CDH9: variants seen among roughly 807,000 people sequenced by gnomAD.
The protein encoded by CDH9 is cadherin-9.
A neutral mutation model predicts 70.9 loss-of-function variants in CDH9; 28 were observed. The observed-to-expected ratio is 0.40, with a 90% CI of 0.29 to 0.54. CDH9 has a LOEUF of 0.54. Among genes scored for constraint, CDH9 ranks in the 20% least tolerant of loss-of-function variants. CDH9 has a pLI of 0.59. For missense variants in CDH9, 874 were observed against 984.4 expected (o/e 0.89, Z 1.50); for synonymous variants, 409 against 343.1 (o/e 1.19, Z -2.12).
intron 2 of CDH9, among the ~76,000 whole-genome samples, chr5:26,929,634 T>C (rs573597984): frequency 6.6e-6 from 1 of 152,200 alleles, no homozygotes; most frequent in East Asian, 1.9e-4. Context: ...ATGAGGTACA[T>C]GTACACAATG....
Position 26,988,219 on chromosome 5 carries a change from C to A in CDH9, c.115G>T (p.Gly39Cys). 6.2e-7 allele frequency: 1 copy of A among 1,613,460 alleles called. No homozygotes were observed. Among genetic ancestry groups the A allele is most frequent in the Non-Finnish European group, 8.5e-7 (1 of 1,179,620 alleles). The change falls in exon 2 of 12, where the codon GGT becomes TGT. Residue 39 changes from glycine to cysteine, a missense_variant. Coordinates refer to ENST00000231021, the MANE Select transcript of CDH9 (RefSeq NM_016279.4). Reference protein sequence around the residue: ...NSYLSSKKIAGLTKDDGKMLR... With the variant: ...NSYLSSKKIACLTKDDGKMLR... Reference sequence around the variant, plus strand: ...ATTTTACCGTCATCTTTTGTCAGACCCGCTATCTTTTTGCTTGATAAATAA... The same window carrying A: ...ATTTTACCGTCATCTTTTGTCAGACACGCTATCTTTTTGCTTGATAAATAA...
rs571488732 is a variant in CDH9, at chr5:27,015,192, C to A, written c.-50+23271G>T. Among the ~76,000 whole-genome samples, 7 of 151,834 alleles carry A rather than the reference C, an allele frequency of 4.6e-5. No homozygotes were observed. In the East Asian group the frequency reaches 1.4e-3, roughly 30 times the overall value. ...TTAATAGAGGCCTGACTGCAATATTCCTGTTACAAAATCACGGAATTCTAC... is the reference window on the plus strand; with the variant it reads ...TTAATAGAGGCCTGACTGCAATATTACTGTTACAAAATCACGGAATTCTAC... On this transcript the variant is annotated intron_variant, in intron 1 of 11. Transcript: ENST00000231021.
chr5:26,966,485 A>T (rs901209598), intron 2 of CDH9, among the ~76,000 whole-genome samples: 2 of 152,192 alleles, frequency 1.3e-5, no homozygotes, highest in African/African-American at 4.8e-5. Flanking sequence ...AATAATAAAA[A>T]TACTTTATTG....
intron 7 of CDH9, among the ~76,000 whole-genome samples, chr5:26,898,730 C>A (rs1740797847): frequency 6.6e-6 from 1 of 152,034 alleles, no homozygotes; most frequent in Admixed American, 6.6e-5. Flanking sequence ...AGAAGAAAAC[C>A]TAGGCAATAC....
chr5:27,020,728 GCA>G (rs150359349), intron 1 of CDH9, among the ~76,000 whole-genome samples: 68,122 of 146,994 alleles, frequency 0.46, 15,999 homozygotes, highest in Non-Finnish European at 0.51. Context: ...ATTCACACAC[GCA>G]CACACACACA....
chr5:27,031,004 C>T (rs1265937759), intron 1 of CDH9, among the ~76,000 whole-genome samples: 1 of 151,618 alleles, frequency 6.6e-6, no homozygotes, highest in African/African-American at 2.4e-5. Flanking sequence ...TGCAGGCTAA[C>T]ATTGGTTACA....
At chr5:26,927,578 C>T (rs761730436) in intron 2 of CDH9, among the ~76,000 whole-genome samples, 1 of 152,036 alleles carries the variant, frequency 6.6e-6, no homozygotes, top group Non-Finnish European at 1.5e-5. Context: ...CCAAGGCCCA[C>T]ATCCCACATG....
chr5:26,940,356 A>G (rs781151389), intron 2 of CDH9, among the ~76,000 whole-genome samples: 6 of 152,190 alleles, frequency 3.9e-5, no homozygotes, highest in Non-Finnish European at 8.8e-5. Flanking sequence ...AAAGATTCCC[A>G]GGATCCTATA....
At chr5:26,984,264 G>A (rs1350845855) in intron 2 of CDH9, among the ~76,000 whole-genome samples, 2 of 152,160 alleles carry the variant, frequency 1.3e-5, no homozygotes, top group Non-Finnish European at 2.9e-5. Context: ...TTAGCTCCAC[G>A]TTCCTTGCTC....
chr5:27,038,008 T>C (rs1743422922), intron 1 of CDH9, among the ~76,000 whole-genome samples: 1 of 151,988 alleles, frequency 6.6e-6, no homozygotes, highest in Admixed American at 6.6e-5. Context: ...TTAATAAAGA[T>C]GCCCTTATTT....
At chr5:26,941,041 T>A (rs1233414045) in intron 2 of CDH9, among the ~76,000 whole-genome samples, 2 of 152,180 alleles carry the variant, frequency 1.3e-5, no homozygotes, top group Non-Finnish European at 2.9e-5. Context: ...AATGAGAAAA[T>A]GAATGAATGT....
At chr5:26,984,223 T>A (rs1056700330) in intron 2 of CDH9, among the ~76,000 whole-genome samples, 9 of 152,164 alleles carry the variant, frequency 5.9e-5, no homozygotes, top group Non-Finnish European at 7.4e-5. Flanking sequence ...AAAGATACCT[T>A]ATTTAATAGT....
intron 2 of CDH9, among the ~76,000 whole-genome samples, chr5:26,928,688 T>C (rs1561198334): frequency 1.3e-5 from 2 of 151,856 alleles, no homozygotes; most frequent in East Asian, 3.9e-4. Context: ...AATAAATCCA[T>C]ACATCCGCAG....
chr5:26,926,233 C>T (rs911937979), intron 2 of CDH9, among the ~76,000 whole-genome samples: 2 of 152,148 alleles, frequency 1.3e-5, no homozygotes, highest in African/African-American at 4.8e-5. Context: ...CGATAAGCAA[C>T]TTCAGCAAAG....
intron 8 of CDH9, 38 bp from the exon 9 acceptor site, chr5:26,889,995 A>G (rs757399452): frequency 1.3e-6 from 2 of 1,598,788 alleles, no homozygotes; most frequent in Non-Finnish European, 1.7e-6. Context: ...AGTCTCATTT[A>G]CACAGAAGCA....
At chr5:26,905,855 C>A (rs1310230920) in intron 5 of CDH9, 104 bp downstream of exon 5, 1 of 821,324 alleles carries the variant, frequency 1.2e-6, no homozygotes. Context: ...TTTCTTTATG[C>A]ATAAACCAAT....
chr5:26,947,282 G>A (rs1022314470), intron 2 of CDH9, among the ~76,000 whole-genome samples: 3 of 152,080 alleles, frequency 2.0e-5, no homozygotes, highest in African/African-American at 7.2e-5. Context: ...TTCATGGCTA[G>A]TAAGCTAAAT....
chr5:26,920,020 A>G (rs1741216785), intron 2 of CDH9, among the ~76,000 whole-genome samples: 1 of 152,032 alleles, frequency 6.6e-6, no homozygotes, highest in Non-Finnish European at 1.5e-5. Context: ...GAGGGACTTT[A>G]TCTTGCAGCT....
At chr5:27,009,644 G>A (rs896719577) in intron 1 of CDH9, among the ~76,000 whole-genome samples, 2 of 152,062 alleles carry the variant, frequency 1.3e-5, no homozygotes, top group African/African-American at 4.8e-5. Flanking sequence ...GAGTCATACA[G>A]GTTTCTTAGC....
Sources: allele counts gnomAD v4.1 joint callset (sites outside exome capture counted in the v4.1 genomes callset), GRCh38; gene constraint gnomAD v4.1.1; transcripts MANE v1.5; gene names NCBI Gene and HGNC (gene_info 2026-07-23, HGNC 2026-07-21).